RUSC2: variants seen among roughly 807,000 people sequenced by gnomAD.
RUSC2 encodes AP-4 complex accessory subunit RUSC2.
RUSC2 carries 34 observed loss-of-function variants against 122.2 expected under a neutral mutation model. The ratio of observed to expected loss-of-function variants is 0.28; its 90% CI spans 0.21 to 0.37. The LOEUF is 0.37. Among genes scored for constraint, RUSC2 ranks in the 10% least tolerant of loss-of-function variants. The pLI, the probability that RUSC2 is intolerant of heterozygous loss-of-function variation, is 1.00. For synonymous variants in RUSC2, 784 were observed against 790.0 expected (o/e 0.99, Z 0.13); for missense variants, 1,747 against 1,952.4 (o/e 0.89, Z 1.98).
intron 1 of RUSC2, among the ~76,000 whole-genome samples, chr9:35,521,778 C>G (rs1377430451): frequency 1.3e-5 from 2 of 152,246 alleles, no homozygotes; most frequent in African/African-American, 4.8e-5. Flanking sequence ...GCCCTTTCAA[C>G]ACACTCCCAG....
chr9:35,502,297 C>G (rs1259112159), intron 1 of RUSC2, among the ~76,000 whole-genome samples: 3 of 152,166 alleles, frequency 2.0e-5, no homozygotes, highest in Admixed American at 2.0e-4. Context: ...AACCCCACCC[C>G]CTAAGAAAAA....
At position 35,547,784 on chromosome 9, in the gene RUSC2, T is replaced by G; in HGVS notation, c.1263T>G (p.Ser421=). The change falls in exon 2 of 12, where the codon TCT becomes TCG. Residue 421 remains serine (S), a synonymous_variant. Transcript: ENST00000361226. The surrounding 1 kb of genome is among the most constrained non-coding windows in gnomAD (Gnocchi z 4.6). ...SPAGSSITSC[S]EEHTKISPPP... is the part of the protein sequence containing the mutation. ...CTGGCTCTTCCATCACTAGCTGCTC[T>G]GAGGAACACACCAAGATAAGTCCCC... 6.2e-7 allele frequency: 1 copy of G among 1,614,176 alleles called. No homozygotes were observed. Among genetic ancestry groups the G allele is most frequent in the Non-Finnish European group, 8.5e-7 (1 of 1,180,040 alleles).
At chr9:35,494,951 TATAC>T (rs1417875582) in intron 1 of RUSC2, among the ~76,000 whole-genome samples, 3 of 124,466 alleles carry the variant, frequency 2.4e-5, no homozygotes, top group Non-Finnish European at 4.8e-5. Flanking sequence ...TAATATATAT[TATAC>T]ATATATAAAA....
Position 35,546,495 on chromosome 9 carries a change from T to C in RUSC2, c.-27T>C, listed in dbSNP as rs999704787. ...GCTCCAGGGACAGTGTCTGGTGCTG[T>C]TGAAGCCCTTATTCGAACTTTCCAG... On this transcript the variant is annotated 5_prime_UTR_variant, in exon 2 of 12. Coordinates refer to ENST00000361226, the MANE Select transcript of RUSC2 (RefSeq NM_014806.5). The surrounding 1 kb of genome is among the most constrained non-coding windows in gnomAD (Gnocchi z 4.3). 1 of 1,395,296 alleles carries C rather than the reference T, an allele frequency of 7.2e-7. No homozygotes were observed. The highest frequency in any genetic ancestry group is 9.3e-7 in the Non-Finnish European group (1 of 1,069,596). The allele number at this position is 1,395,296 out of a possible 1,614,324, so 86.4% of individuals were successfully genotyped here.
chr9:35,540,666 G>A (rs887918938), intron 1 of RUSC2, among the ~76,000 whole-genome samples: 8 of 152,164 alleles, frequency 5.3e-5, no homozygotes, highest in African/African-American at 1.9e-4. Flanking sequence ...AGGGACTGTA[G>A]GTTCATAGAA....
chr9:35,527,100 A>C (rs1166861732), intron 1 of RUSC2, among the ~76,000 whole-genome samples: 1 of 149,818 alleles, frequency 6.7e-6, no homozygotes, highest in Non-Finnish European at 1.5e-5. Context: ...TTCTCACTTC[A>C]ACTTTGTCTT....
rs144318980 is a variant in RUSC2, at chr9:35,530,159, C to T, written c.-92-16271C>T. 1.4e-3 allele frequency among the ~76,000 whole-genome samples: 218 copies of T among 152,202 alleles called. 1 individual carries two copies. In the South Asian group the frequency reaches 0.022, roughly 15 times the overall value. ...TAGAGACGGGGTTTCACCATGTTGC[C>T]GAGGCTGGTATCAACTCATAAGCTC... On this transcript the variant is annotated intron_variant, in intron 1 of 11. Coordinates refer to ENST00000361226, the MANE Select transcript of RUSC2 (RefSeq NM_014806.5).
At chr9:35,537,335 A>G in intron 1 of RUSC2, among the ~76,000 whole-genome samples, 1 of 152,166 alleles carries the variant, frequency 6.6e-6, no homozygotes, top group East Asian at 1.9e-4. Flanking sequence ...GCCCTAACCT[A>G]CAGATGCTTA....
chr9:35,554,969 C>T (rs1245010792), intron 2 of RUSC2, 91 bp from the exon 3 acceptor site: 1 of 1,476,930 alleles, frequency 6.8e-7, no homozygotes, highest in Non-Finnish European at 9.3e-7. Flanking sequence ...GGTCCCTGCC[C>T]CTCTCCCCTC....
chr9:35,542,426 A>G (rs1163753600), intron 1 of RUSC2, among the ~76,000 whole-genome samples: 2 of 152,246 alleles, frequency 1.3e-5, no homozygotes, highest in African/African-American at 4.8e-5. Flanking sequence ...TCAGTTGATC[A>G]ATTGATCAAT....
intron 1 of RUSC2, among the ~76,000 whole-genome samples, chr9:35,512,624 C>G (rs1026491054): frequency 3.3e-5 from 5 of 152,030 alleles, no homozygotes; most frequent in Non-Finnish European, 5.9e-5. Flanking sequence ...CACTTATTGC[C>G]AGAAAATACA....
chr9:35,547,140 G>A lies in RUSC2; in HGVS notation c.619G>A (p.Gly207Arg). 6.2e-7 allele frequency: 1 copy of A among 1,614,174 alleles called. No individual in the cohort carries two copies. Among genetic ancestry groups the A allele is most frequent in the Non-Finnish European group, 8.5e-7 (1 of 1,180,034 alleles). ...AETMELDECG[G>R]PGGSGSGGGA... is the part of the protein sequence containing the mutation. ...GACTATGGAGCTGGATGAGTGTGGG[G>A]GACCTGGTGGGAGTGGCAGTGGGGG... The change falls in exon 2 of 12, where the codon GGA becomes AGA. Residue 207 changes from glycine to arginine, a missense_variant. Physicochemically the swap from Gly to Arg is moderately radical, Grantham distance 125. Coordinates refer to ENST00000361226, the MANE Select transcript of RUSC2 (RefSeq NM_014806.5). This position sits in a 1 kb window ranked among gnomAD's most constrained non-coding sequence, Gnocchi z 4.6.
intron 1 of RUSC2, among the ~76,000 whole-genome samples, chr9:35,534,028 G>A (rs185585521): frequency 1.3e-5 from 2 of 152,266 alleles, no homozygotes; most frequent in East Asian, 1.9e-4. Context: ...TTGAGAAACT[G>A]CCAGAACTCT....
intron 1 of RUSC2, among the ~76,000 whole-genome samples, chr9:35,503,907 T>C (rs1052856860): frequency 3.3e-5 from 5 of 152,098 alleles, no homozygotes; most frequent in African/African-American, 1.2e-4. Context: ...CCTGAGTAGC[T>C]GGGATTATAG....
chr9:35,536,685 G>A (rs917203230), intron 1 of RUSC2, among the ~76,000 whole-genome samples: 3 of 151,824 alleles, frequency 2.0e-5, no homozygotes, highest in African/African-American at 4.8e-5. Context: ...ATGGTGGCAG[G>A]TGCCTGTAAT....
chr9:35,532,091 G>A (rs1821431808), intron 1 of RUSC2, among the ~76,000 whole-genome samples: 1 of 152,178 alleles, frequency 6.6e-6, no homozygotes, highest in Non-Finnish European at 1.5e-5. Context: ...GCATGACTTG[G>A]TAGTTGTCTG....
chr9:35,502,792 A>T (rs938714502), intron 1 of RUSC2, among the ~76,000 whole-genome samples: 5 of 152,056 alleles, frequency 3.3e-5, no homozygotes, highest in African/African-American at 4.8e-5. Flanking sequence ...ACTTTTAAAA[A>T]TTTTTCAATA....
chr9:35,498,097 T>C (rs1222082604), intron 1 of RUSC2, among the ~76,000 whole-genome samples: 2 of 152,144 alleles, frequency 1.3e-5, no homozygotes, highest in African/African-American at 4.8e-5. Flanking sequence ...TTTTGTGGCA[T>C]CTTTAGGGTG....
At chr9:35,514,689 C>G (rs1253619094) in intron 1 of RUSC2, among the ~76,000 whole-genome samples, 1 of 152,042 alleles carries the variant, frequency 6.6e-6, no homozygotes, top group Non-Finnish European at 1.5e-5. Context: ...GTTTTTTTCT[C>G]TCATCAGCAA....
Sources: gnomAD v4.1 joint callset for allele counts (sites outside exome capture counted in the v4.1 genomes callset) on GRCh38, gnomAD v4.1.1 for gene constraint, Gnocchi (gnomAD v3.1) non-coding constraint, MANE v1.5 for transcripts, NCBI Gene and HGNC (gene_info 2026-07-23, HGNC 2026-07-21) for gene names.